Variants in TNS1 observed in about 807,000 individuals in gnomAD.
TNS1 encodes tensin 1.
In TNS1, 62 loss-of-function variants were observed where a neutral mutation model predicts 168.6. That is an observed-to-expected ratio of 0.37 (90% CI 0.30 to 0.45). The LOEUF (loss-of-function observed/expected upper bound fraction) is 0.45. TNS1 is among the 20% of genes least tolerant of loss of function. TNS1 has a pLI of 1.00. For synonymous variants in TNS1, 934 were observed against 933.2 expected (o/e 1.00, Z -0.02); for missense variants, 2,240 against 2,339.4 (o/e 0.96, Z 0.88).
chr2:218,003,189 C>A (rs1228282230), upstream of TNS1, among the ~76,000 whole-genome samples: 1 of 151,568 alleles, frequency 6.6e-6, no homozygotes, highest in Non-Finnish European at 1.5e-5. Context: ...GGCAGGGCCC[C>A]CCCAGGCCGT....
At chr2:217,963,617 G>A (rs1320936163) in intron 3 of TNS1, among the ~76,000 whole-genome samples, 1 of 152,020 alleles carries the variant, frequency 6.6e-6, no homozygotes, top group East Asian at 1.9e-4. Context: ...AATAATTCCA[G>A]TGTTTCTAGC....
intron 3 of TNS1, among the ~76,000 whole-genome samples, chr2:217,942,014 T>A (rs769163559): frequency 2.0e-5 from 3 of 152,124 alleles, no homozygotes; most frequent in Non-Finnish European, 4.4e-5. Flanking sequence ...TCTGAACCCA[T>A]AAGCATCCCA....
intron 32 of TNS1, among the ~76,000 whole-genome samples, chr2:217,807,823 A>T (rs2125062758): frequency 6.6e-6 from 1 of 152,326 alleles, no homozygotes; most frequent in Admixed American, 6.5e-5. Flanking sequence ...ACTTCCTGCC[A>T]TCCCTGCTGC....
chr2:217,849,949 A>G, intron 18 of TNS1: 9 of 985,420 alleles, frequency 9.1e-6, no homozygotes, highest in Non-Finnish European at 1.1e-5. Flanking sequence ...CTCCAGCTCA[A>G]TGCAAAGGAT....
intron 18 of TNS1, chr2:217,858,523 C>T (rs150545105): frequency 1.4e-5 from 14 of 986,170 alleles, no homozygotes; most frequent in Admixed American, 6.1e-5. Flanking sequence ...AGGGAGGAAG[C>T]GGAGGGAAGC....
chr2:217,839,303 C>T (rs1945614759), intron 19 of TNS1, among the ~76,000 whole-genome samples: 1 of 152,102 alleles, frequency 6.6e-6, no homozygotes, highest in African/African-American at 2.4e-5. Flanking sequence ...TTCAAGGAGC[C>T]CTGGGCGTTC....
At chr2:217,906,083 C>T (rs1359972290) in intron 6 of TNS1, among the ~76,000 whole-genome samples, 1 of 152,172 alleles carries the variant, frequency 6.6e-6, no homozygotes, top group Non-Finnish European at 1.5e-5. Context: ...CCTCTCTCCT[C>T]CCACCCGCCC....
chr2:217,819,095 C>T (rs755056825), intron 23 of TNS1, among the ~76,000 whole-genome samples: 7 of 152,236 alleles, frequency 4.6e-5, no homozygotes, highest in Non-Finnish European at 1.0e-4. Context: ...CCTATCGAAA[C>T]TGGAGGTGGC....
Position 217,978,671 on chromosome 2 carries a change from C to A in TNS1, c.186+94G>T, listed in dbSNP as rs1957955984. The stretch of plus-strand genomic sequence containing the variant: ...AGAGGAGGAGGGACGCCCCGGGCAC[C>A]GCCCCCGCCCCGCCGGCGCCCCCGC... On this transcript the variant is annotated intron_variant, in intron 3 of 32. Coordinates refer to ENST00000682258, the MANE Select transcript of TNS1 (RefSeq NM_001387777.1). 6 of 653,532 alleles carry A rather than the reference C, an allele frequency of 9.2e-6. 1 individual carries two copies. Among genetic ancestry groups the A allele is most frequent in the South Asian group, 6.5e-5 (4 of 61,912 alleles). 40.5% of individuals were successfully genotyped at this position (653,532 alleles called of 1,614,324 possible).
chr2:218,009,390 A>G (rs556683058), intron 1 of TNS1, among the ~76,000 whole-genome samples: 5 of 150,572 alleles, frequency 3.3e-5, no homozygotes, highest in East Asian at 2.0e-4. Flanking sequence ...ACCCACACAC[A>G]TACACACGTT....
At chr2:217,935,119 C>T (rs1956537343) in intron 3 of TNS1, among the ~76,000 whole-genome samples, 1 of 152,200 alleles carries the variant, frequency 6.6e-6, no homozygotes, top group Non-Finnish European at 1.5e-5. Flanking sequence ...CTGAAGTTGA[C>T]TCTGTCACCC....
rs1946926235 is a variant in TNS1, at chr2:217,848,120, A to T, written c.2397T>A (p.Ser799Arg). The change falls in exon 19 of 33, where the codon AGT (serine) becomes AGA (arginine). Residue 799 changes from serine (S) to arginine (R), a missense_variant. Ser to Arg is a moderately radical substitution (Grantham distance 110). Around this residue, in one of 2 missense-constraint regions of TNS1, gnomAD observed 2,131 missense variants for 2,171.2 expected, o/e 0.98. Transcript: ENST00000682258. ...GAGGGCTGGGCCTGCTGGCTACAAG[A>T]CTCTCCAAGTGGGCTCTTTCCTGCT... ...PRQQERAHLE[S>R]LVASRPSPQP... 4 of 1,584,584 alleles carry T rather than the reference A, an allele frequency of 2.5e-6. No homozygotes were observed. The highest frequency in any genetic ancestry group is 3.4e-6 in the Non-Finnish European group (4 of 1,166,560).
chr2:217,939,132 C>T (rs972300077), intron 3 of TNS1, among the ~76,000 whole-genome samples: 2 of 152,154 alleles, frequency 1.3e-5, no homozygotes, highest in South Asian at 2.1e-4. Flanking sequence ...TAAATTAACT[C>T]GTTTGATCCT....
At chr2:217,983,472 C>T (rs1156903624) in intron 2 of TNS1, among the ~76,000 whole-genome samples, 1 of 152,162 alleles carries the variant, frequency 6.6e-6, no homozygotes, top group Non-Finnish European at 1.5e-5. Context: ...CAGAGAGCCC[C>T]TTAGTGGGAA....
upstream of TNS1, among the ~76,000 whole-genome samples, chr2:218,014,913 AAGGAAGGAAGGCAGGC>A (rs1309565180): frequency 3.3e-3 from 271 of 82,234 alleles, 2 homozygotes; most frequent in South Asian, 0.031. Context: ...GGAAGGAAGG[AAGGAAGGAAGGCAGGC>A]AGGCAGGCAG....
At chr2:217,970,674 G>C (rs779578528) in intron 3 of TNS1, among the ~76,000 whole-genome samples, 59 of 152,172 alleles carry the variant, frequency 3.9e-4, no homozygotes, top group Non-Finnish European at 7.9e-4. Flanking sequence ...CAAATATATA[G>C]AGACGGGAAG....
At chr2:217,904,091 C>T (rs1456423128) in intron 6 of TNS1, among the ~76,000 whole-genome samples, 1 of 152,210 alleles carries the variant, frequency 6.6e-6, no homozygotes, top group African/African-American at 2.4e-5. Context: ...GACCAACCTA[C>T]GTCAGGGGCC....
chr2:217,919,694 C>T lies in TNS1; in HGVS notation c.228+501G>A, dbSNP rs1481365307. 3.9e-5 allele frequency among the ~76,000 whole-genome samples: 6 copies of T among 152,192 alleles called. No individual in the cohort carries two copies. In the South Asian group the frequency reaches 1.0e-3, roughly 26 times the overall value. ...TGGTGCAAGGCTGATTCGGGGGTGA[C>T]GGGAAGAGGAGTGGGGGAAATGGAA... is the stretch of plus-strand genomic sequence containing the variant. On this transcript the variant is annotated intron_variant, in intron 4 of 32. Coordinates refer to ENST00000682258, the MANE Select transcript of TNS1 (RefSeq NM_001387777.1).
chr2:217,985,006 C>T lies in TNS1; in HGVS notation c.148+5936G>A, dbSNP rs531924963. 4.2e-3 allele frequency among the ~76,000 whole-genome samples: 641 copies of T among 152,016 alleles called. 7 individuals are homozygous for T. The highest frequency in any genetic ancestry group is 0.014 in the African/African-American group (571 of 41,424). On this transcript the variant is annotated intron_variant, in intron 2 of 32. Coordinates refer to ENST00000682258, the MANE Select transcript of TNS1 (RefSeq NM_001387777.1). ...ACTCCTGACCTCATGATCTGCCTACCTCGGCCTCCCAAACTGCTGGGATTA... is the reference window on the plus strand; with the variant it reads ...ACTCCTGACCTCATGATCTGCCTACTTCGGCCTCCCAAACTGCTGGGATTA...
Sources: gnomAD v4.1 joint callset for allele counts (sites outside exome capture counted in the v4.1 genomes callset) on GRCh38, gnomAD v4.1.1 for gene constraint, gnomAD v4.1.1 regional missense constraint, MANE v1.5 for transcripts, NCBI Gene and HGNC (gene_info 2026-07-23, HGNC 2026-07-21) for gene names.